GLB1: variants seen among roughly 807,000 people sequenced by gnomAD.
The protein encoded by GLB1 is galactosidase beta 1.
GLB1 carries 56 observed loss-of-function variants against 74.0 expected under a neutral mutation model. That is an observed-to-expected ratio of 0.76 (90% CI 0.61 to 0.94). The LOEUF (loss-of-function observed/expected upper bound fraction) is 0.94, where lower values mean the gene tolerates loss of function less well. Ranked by LOEUF, GLB1 falls within the 40% of genes least tolerant of loss-of-function variation. The probability of loss-of-function intolerance (pLI) is 0.00; values close to 1 mark genes in which losing one functional copy is unlikely to be tolerated. For missense variants in GLB1, 787 were observed against 845.5 expected, an observed-to-expected ratio of 0.93 and a Z score of 0.86; for synonymous variants, 323 against 323.6, an observed-to-expected ratio of 1.00 and a Z score of 0.02.
At chr3:32,998,547 A>G (rs1188941839) in intron 15 of GLB1, among the ~76,000 whole-genome samples, 1 of 152,086 alleles carries the variant, frequency 6.6e-6, no homozygotes, top group Admixed American at 6.6e-5. Flanking sequence ...CAAAGCTCAA[A>G]GGCTAGGATC....
At chr3:33,065,442 C>A in intron 5 of GLB1, 21 bp downstream of exon 5, 1 of 1,565,868 alleles carries the variant, frequency 6.4e-7, no homozygotes, top group Non-Finnish European at 8.7e-7. Context: ...CCAATCCATC[C>A]ATGCTCAACT....
chr3:33,017,839 C>T (rs1313301257), intron 13 of GLB1, among the ~76,000 whole-genome samples: 5 of 152,174 alleles, frequency 3.3e-5, no homozygotes, highest in East Asian at 3.9e-4. Context: ...CACAGAAGGG[C>T]GGCCTTGGCT....
At chr3:33,059,771 C>T (rs72856132) in intron 5 of GLB1, among the ~76,000 whole-genome samples, 13,837 of 152,134 alleles carry the variant, frequency 0.091, 2,006 homozygotes, top group African/African-American at 0.31. Flanking sequence ...CATCATACTG[C>T]GCATTTACGT....
chr3:33,034,007 C>T, intron 10 of GLB1: 1 of 547,304 alleles, frequency 1.8e-6, no homozygotes, highest in South Asian at 1.5e-5. Context: ...AGGGCAGATC[C>T]TCATTGCCAA....
chr3:33,090,340 T>G, intron 1 of GLB1: 1 of 949,666 alleles, frequency 1.1e-6, no homozygotes, highest in Non-Finnish European at 1.3e-6. Context: ...TCATGCTTGT[T>G]AAAGCTGGGA....
Position 33,096,799 on chromosome 3 carries a change from G to C in GLB1, c.75+212C>G. 3 of 1,351,298 alleles carry C rather than the reference G, an allele frequency of 2.2e-6. 1 individual carries two copies. The highest frequency in any genetic ancestry group is 2.8e-6 in the Non-Finnish European group (3 of 1,055,806). The allele number at this position is 1,351,298 out of a possible 1,614,324, so 83.7% of individuals were successfully genotyped here. On this transcript the variant is annotated intron_variant, in intron 1 of 15. Transcript: ENST00000307363. The stretch of plus-strand genomic sequence containing the variant: ...CGGAGCGGAACGCACAAGCGACCGA[G>C]CTGCCTGGAAGGACGCGCGCCCCGC...
chr3:33,077,778 C>A lies in GLB1; in HGVS notation c.76-5065G>T, dbSNP rs576619378. Among the ~76,000 whole-genome samples the A allele has an allele frequency of 2.7e-5, 4 of 150,934 alleles. No homozygotes were observed. In the East Asian group the frequency reaches 5.8e-4, roughly 22 times the overall value. ...AATACCGATTCTGTAAAAATACTCC[C>A]TTTTCTTCATTAGTGGCATGCTCAT... is the stretch of plus-strand genomic sequence containing the variant. On this transcript the variant is annotated intron_variant, in intron 1 of 15. Transcript: ENST00000307363.
the GLB1 span, among the ~76,000 whole-genome samples, chr3:32,978,979 C>CT: frequency 1.1e-3 from 125 of 111,678 alleles, no homozygotes; most frequent in South Asian, 6.5e-3. Context: ...TTCTTTCTTT[C>CT]TTTTTTTTTT....
At chr3:32,967,277 G>C in the GLB1 span, among the ~76,000 whole-genome samples, 3 of 152,178 alleles carry the variant, frequency 2.0e-5, no homozygotes, top group African/African-American at 7.2e-5. Context: ...GAGTTCAGCA[G>C]GTTGCAGGAT....
At chr3:32,994,018 G>A (rs1696266223), downstream of GLB1, among the ~76,000 whole-genome samples, 1 of 152,122 alleles carries the variant, frequency 6.6e-6, no homozygotes. Context: ...TTGTTTAACA[G>A]TTCCTTAAAC....
intron 15 of GLB1, among the ~76,000 whole-genome samples, chr3:33,003,586 G>C (rs1315302165): frequency 6.6e-6 from 1 of 152,190 alleles, no homozygotes; most frequent in Non-Finnish European, 1.5e-5. Flanking sequence ...GGAAATAGTA[G>C]GTCTTGTAGG....
At chr3:33,004,766 C>G (rs1696717460) in intron 15 of GLB1, among the ~76,000 whole-genome samples, 1 of 152,334 alleles carries the variant, frequency 6.6e-6, no homozygotes, top group African/African-American at 2.4e-5. Flanking sequence ...TCTGTTCCTT[C>G]TCTCTGGACC....
chr3:32,972,929 G>T, the GLB1 span, among the ~76,000 whole-genome samples: 1 of 152,140 alleles, frequency 6.6e-6, no homozygotes, highest in Non-Finnish European at 1.5e-5. Context: ...CTGTTTCCCT[G>T]GCTGTGCAGC....
At chr3:33,043,041 C>G (rs2125508053) in intron 10 of GLB1, among the ~76,000 whole-genome samples, 1 of 152,194 alleles carries the variant, frequency 6.6e-6, no homozygotes, top group South Asian at 2.1e-4. Flanking sequence ...TACATGAAAA[C>G]TAAACCCAGA....
At chr3:33,087,044 T>A (rs1700531220) in intron 1 of GLB1, among the ~76,000 whole-genome samples, 1 of 149,186 alleles carries the variant, frequency 6.7e-6, no homozygotes, top group South Asian at 2.2e-4. Context: ...TAACTAGATT[T>A]AAAAAAAAGA....
chr3:32,979,851 CAA>C, the GLB1 span, among the ~76,000 whole-genome samples: 9 of 25,208 alleles, frequency 3.6e-4, no homozygotes, highest in Non-Finnish European at 5.8e-4. Context: ...GACCCTGTCT[CAA>C]AAAAAAAAAA....
intron 5 of GLB1, among the ~76,000 whole-genome samples, chr3:33,059,467 A>G (rs564134894): frequency 7.0e-4 from 107 of 152,382 alleles, no homozygotes; most frequent in African/African-American, 2.5e-3. Flanking sequence ...CCAATACACC[A>G]AAGAATCAGG....
chr3:33,029,922 A>G (rs1697933372), intron 10 of GLB1: 1 of 150,936 alleles, frequency 6.6e-6, no homozygotes, highest in East Asian at 1.9e-4. Context: ...CTACACAACA[A>G]TCTTGCACAT....
chr3:33,057,250 A>G (rs541292923), intron 6 of GLB1, among the ~76,000 whole-genome samples: 23 of 152,218 alleles, frequency 1.5e-4, no homozygotes, highest in Non-Finnish European at 3.2e-4. Context: ...TTCTGCCATG[A>G]TTTTAAGTTT....
Sources: gnomAD v4.1 joint callset for allele counts (sites outside exome capture counted in the v4.1 genomes callset) on GRCh38, gnomAD v4.1.1 for gene constraint, MANE v1.5 for transcripts, NCBI Gene and HGNC (gene_info 2026-07-23, HGNC 2026-07-21) for gene names.